The following MED13L variants were observed in gnomAD, a reference collection of about 807,000 sequenced individuals.
MED13L encodes mediator of RNA polymerase II transcription subunit 13-like.
MED13L carries 7 observed loss-of-function variants against 220.9 expected under a neutral mutation model. That is an observed-to-expected ratio of 0.03 (90% CI 0.02 to 0.06). The LOEUF is 0.06. Ranked by LOEUF, MED13L falls within the 10% of genes least tolerant of loss-of-function variation. The probability of loss-of-function intolerance (pLI) is 1.00; values close to 1 mark genes in which losing one functional copy is unlikely to be tolerated. For missense variants in MED13L, 1,965 were observed against 2,760.5 expected (o/e 0.71, Z 6.46); for synonymous variants, 1,011 against 1,015.2 (o/e 1.00, Z 0.08).
intron 4 of MED13L, among the ~76,000 whole-genome samples, chr12:116,035,821 C>A (rs1201605035): frequency 6.6e-6 from 1 of 152,098 alleles, no homozygotes; most frequent in Admixed American, 6.5e-5. Flanking sequence ...GAAGGACCCA[C>A]CCACCTCAGC....
At chr12:116,249,243 A>G (rs1165869797) in intron 1 of MED13L, among the ~76,000 whole-genome samples, 1 of 152,164 alleles carries the variant, frequency 6.6e-6, no homozygotes, top group Admixed American at 6.5e-5. Context: ...CCATAAAATG[A>G]CCATACCTCA....
At chr12:116,196,812 T>C (rs989674499) in intron 2 of MED13L, among the ~76,000 whole-genome samples, 1 of 152,232 alleles carries the variant, frequency 6.6e-6, no homozygotes, top group Non-Finnish European at 1.5e-5. Context: ...AGTTAAGACA[T>C]ACAGCTGGTT....
chr12:116,223,243 A>G (rs1868614071), intron 2 of MED13L, among the ~76,000 whole-genome samples: 1 of 152,216 alleles, frequency 6.6e-6, no homozygotes, highest in Admixed American at 6.5e-5. Flanking sequence ...AACCTAATAA[A>G]TAGTGCTCTT....
intron 4 of MED13L, among the ~76,000 whole-genome samples, 188 bp from the exon 5 acceptor site, chr12:116,022,789 C>T (rs762166295): frequency 6.6e-6 from 1 of 152,078 alleles, no homozygotes; most frequent in Non-Finnish European, 1.5e-5. Flanking sequence ...TCTGGAAATA[C>T]GAATATACTG....
At chr12:116,237,394 A>AATT (rs1484990728) in intron 2 of MED13L, 74 bp downstream of exon 2, 8 of 1,182,672 alleles carry the variant, frequency 6.8e-6, no homozygotes, top group Non-Finnish European at 1.0e-5. Flanking sequence ...AAGTCTTAAT[A>AATT]ATCTGTTTGA....
intron 9 of MED13L, among the ~76,000 whole-genome samples, chr12:116,012,034 A>G (rs1879441458): frequency 6.6e-6 from 1 of 152,198 alleles, no homozygotes; most frequent in African/African-American, 2.4e-5. Flanking sequence ...CTTTTTATCA[A>G]CATTGAACAG....
Position 115,975,671 on chromosome 12 carries a change from T to G in MED13L, c.5432A>C (p.Glu1811Ala). The G allele has an allele frequency of 6.2e-7, 1 of 1,613,994 alleles. No homozygotes were observed. Among genetic ancestry groups the G allele is most frequent in the Non-Finnish European group, 8.5e-7 (1 of 1,180,002 alleles). Residue 1811 changes from glutamate to alanine, a missense_variant, in exon 24 of 31, where the codon GAG (glutamate) becomes GCG (alanine). By Grantham distance (107) the Glu-to-Ala change is moderately radical. This residue lies in a region of MED13L where 510 missense variants were observed against 620.4 expected (regional missense o/e 0.82). Transcript: ENST00000281928. ...CGCCTCACCAAACGTCTCTCCCAGC[T>G]CTGTCTGCTTGTCTTTGATTGGGGC... ...ILAPIKDKQT[E>A]LGETFGEASQ...
At chr12:116,077,034 G>C (rs1214230355) in intron 4 of MED13L, among the ~76,000 whole-genome samples, 2 of 147,582 alleles carry the variant, frequency 1.4e-5, no homozygotes, top group African/African-American at 4.9e-5. Flanking sequence ...ACGGTGACAT[G>C]TGTCTGTCTT....
rs896797666 is a variant in MED13L, at chr12:116,022,378, C to G, written c.625+78G>C. ...ATGTCCATTTAAGATAAGGTCTCAC[C>G]CTGCAAAACTTTACTGGGCAAGATG... On this transcript the variant is annotated intron_variant, in intron 5 of 30. Transcript: ENST00000281928. 5 of 1,550,616 alleles carry G rather than the reference C, an allele frequency of 3.2e-6. No individual in the cohort carries two copies. The African/African-American group carries it at 6.8e-5, about 21-fold the overall frequency.
At chr12:115,982,101 C>A (rs1877369820) in intron 22 of MED13L, 3 of 370,574 alleles carry the variant, frequency 8.1e-6, no homozygotes, top group African/African-American at 4.1e-5. Context: ...CACAACATGA[C>A]CAAAAATATT....
intron 2 of MED13L, among the ~76,000 whole-genome samples, chr12:116,161,595 G>C (rs1291473529): frequency 6.6e-6 from 1 of 152,124 alleles, no homozygotes; most frequent in Admixed American, 6.6e-5. Flanking sequence ...CCGTCAAAGT[G>C]AGCCCACAAG....
intron 2 of MED13L, among the ~76,000 whole-genome samples, chr12:116,168,190 A>T (rs1024345685): frequency 2.6e-5 from 4 of 152,096 alleles, no homozygotes; most frequent in African/African-American, 9.7e-5. Context: ...CAAAAAAAAG[A>T]AATTTTTATT....
At chr12:116,218,959 C>T (rs1317392080) in intron 2 of MED13L, among the ~76,000 whole-genome samples, 2 of 152,192 alleles carry the variant, frequency 1.3e-5, no homozygotes, top group African/African-American at 4.8e-5. Context: ...TGGTCTCAAA[C>T]TCCTGACCTC....
intron 2 of MED13L, among the ~76,000 whole-genome samples, chr12:116,139,635 C>T (rs1354847490): frequency 6.6e-6 from 1 of 152,094 alleles, no homozygotes; most frequent in Admixed American, 6.6e-5. Flanking sequence ...TGTCGTTTAT[C>T]TCTTTTGTCG....
chr12:116,122,312 T>A (rs1159515741), intron 2 of MED13L, among the ~76,000 whole-genome samples: 2 of 152,192 alleles, frequency 1.3e-5, no homozygotes, highest in Non-Finnish European at 2.9e-5. Flanking sequence ...AATTATGAAA[T>A]ATAGCACTTC....
chr12:116,074,553 T>C (rs1870633847), intron 4 of MED13L, among the ~76,000 whole-genome samples: 1 of 152,218 alleles, frequency 6.6e-6, no homozygotes, highest in Non-Finnish European at 1.5e-5. Context: ...TAAGTTTGGC[T>C]AAATGTTACA....
chr12:116,132,735 C>T (rs933004430), intron 2 of MED13L, among the ~76,000 whole-genome samples: 2 of 152,216 alleles, frequency 1.3e-5, no homozygotes, highest in East Asian at 3.9e-4. Flanking sequence ...GACTGGCCAA[C>T]ATGGCGAAAC....
intron 1 of MED13L, among the ~76,000 whole-genome samples, chr12:116,270,541 T>A (rs542878301): frequency 6.6e-6 from 1 of 152,190 alleles, no homozygotes; most frequent in African/African-American, 2.4e-5. Context: ...AAAACGCTGA[T>A]GTACATGACT....
chr12:116,103,927 G>A (rs897501890), intron 3 of MED13L, among the ~76,000 whole-genome samples: 10 of 151,062 alleles, frequency 6.6e-5, no homozygotes, highest in African/African-American at 1.9e-4. Context: ...CAACTAGGGC[G>A]GTACATCCCA....
Sources: gnomAD v4.1 joint callset for allele counts (sites outside exome capture counted in the v4.1 genomes callset) on GRCh38, gnomAD v4.1.1 for gene constraint, gnomAD v4.1.1 regional missense constraint, MANE v1.5 for transcripts, NCBI Gene and HGNC (gene_info 2026-07-23, HGNC 2026-07-21) for gene names.